The following NAALAD2 variants were observed in gnomAD, a reference collection of about 807,000 sequenced individuals.
The protein encoded by NAALAD2 is N-acetylated-alpha-linked acidic dipeptidase 2.
A neutral mutation model predicts 95.6 loss-of-function variants in NAALAD2; 89 were observed. The ratio of observed to expected loss-of-function variants is 0.93; its 90% CI spans 0.78 to 1.11. NAALAD2 has a LOEUF of 1.11. Ranked by LOEUF, NAALAD2 falls within the 50% of genes least tolerant of loss-of-function variation. NAALAD2 has a pLI of 0.00. For missense variants in NAALAD2, 894 were observed against 872.4 expected, an observed-to-expected ratio of 1.02 and a Z score of -0.31; for synonymous variants, 264 against 294.4, an observed-to-expected ratio of 0.90 and a Z score of 1.06.
At chr11:90,179,235 T>C (rs1331970888) in intron 16 of NAALAD2, among the ~76,000 whole-genome samples, 2 of 152,180 alleles carry the variant, frequency 1.3e-5, no homozygotes, top group Non-Finnish European at 2.9e-5. Context: ...CTATTTTTAG[T>C]ATATACCCAA....
At chr11:90,173,988 G>C in intron 14 of NAALAD2, 73 bp downstream of exon 14, 1 of 1,019,684 alleles carries the variant, frequency 9.8e-7, no homozygotes, top group Non-Finnish European at 1.5e-6. Flanking sequence ...GTTTCTCCAA[G>C]CATGAAATTC....
chr11:90,163,771 T>C, intron 11 of NAALAD2, 154 bp downstream of exon 11: 1 of 778,852 alleles, frequency 1.3e-6, no homozygotes, highest in Non-Finnish European at 2.1e-6. Context: ...TTATTTTTAC[T>C]TTCACATCAG....
intron 15 of NAALAD2, among the ~76,000 whole-genome samples, chr11:90,177,583 C>CTT (rs1565543926): frequency 5.1e-5 from 1 of 19,426 alleles, no homozygotes; most frequent in East Asian, 1.3e-3. Context: ...TTTTCTTTTT[C>CTT]TTGTTTTTTT....
chr11:90,166,573 C>T (rs1245114858), intron 11 of NAALAD2, among the ~76,000 whole-genome samples: 5 of 152,144 alleles, frequency 3.3e-5, no homozygotes, highest in African/African-American at 4.8e-5. Flanking sequence ...CGGTGGCTCA[C>T]GCCTGTTATC....
intron 6 of NAALAD2, among the ~76,000 whole-genome samples, chr11:90,155,313 T>A (rs1268158234): frequency 7.5e-5 from 9 of 119,650 alleles, no homozygotes; most frequent in Non-Finnish European, 1.4e-4. Context: ...ATGTATATAT[T>A]ATATATAATA....
chr11:90,178,670 CA>C (rs71472288), intron 16 of NAALAD2, among the ~76,000 whole-genome samples: 20,251 of 113,722 alleles, frequency 0.18, 1,891 homozygotes, highest in Admixed American at 0.36. Context: ...GGCTCCTTCT[CA>C]AAAAAAAAAA....
chr11:90,161,449 T>A (rs953401370), intron 8 of NAALAD2, among the ~76,000 whole-genome samples: 4 of 152,188 alleles, frequency 2.6e-5, no homozygotes, highest in African/African-American at 9.6e-5. Flanking sequence ...CATGAATATT[T>A]ATTGAGCATT....
chr11:90,188,011 G>GA (rs1857211912), intron 18 of NAALAD2, among the ~76,000 whole-genome samples: 1 of 152,156 alleles, frequency 6.6e-6, no homozygotes, highest in African/African-American at 2.4e-5. Flanking sequence ...GTTACAGACA[G>GA]AAAAAGGAAA....
In NAALAD2 at chr11:90,191,755, C is replaced by A. The variant is rs776556956; in HGVS notation, c.*8C>A. On this transcript the variant is annotated 3_prime_UTR_variant, in exon 19 of 19. Coordinates refer to ENST00000534061, the MANE Select transcript of NAALAD2 (RefSeq NM_005467.4). Reference sequence around the variant, plus strand: ...CTGAAAGAAGTATTATAGAAGGTCTCAAGTGGCTAGCCATTAAAGGTGTTG... The same window carrying A: ...CTGAAAGAAGTATTATAGAAGGTCTAAAGTGGCTAGCCATTAAAGGTGTTG... The A allele has an allele frequency of 3.9e-6, 6 of 1,529,976 alleles. No homozygotes were observed. The Admixed American group carries it at 1.0e-4, about 26-fold the overall frequency. 94.8% of individuals were successfully genotyped at this position (1,529,976 alleles called of 1,614,324 possible). A position where few individuals can be genotyped will look rare whatever the true frequency, so the allele number is the denominator to read the frequency against.
At chr11:90,138,332 A>G (rs1465502792) in intron 2 of NAALAD2, among the ~76,000 whole-genome samples, 1 of 152,144 alleles carries the variant, frequency 6.6e-6, no homozygotes, top group African/African-American at 2.4e-5. Flanking sequence ...TGGCAGAGGC[A>G]GAGAAGGTAG....
intron 16 of NAALAD2, among the ~76,000 whole-genome samples, chr11:90,180,388 CTAAAA>C (rs1316272935): frequency 2.6e-5 from 4 of 152,046 alleles, no homozygotes; most frequent in Non-Finnish European, 5.9e-5. Context: ...AAATCTAGGA[CTAAAA>C]GACTAGGACT....
rs1857345077 is a variant in NAALAD2, at chr11:90,192,067, A to T, written c.*320A>T. 6.0e-6 allele frequency: 1 copy of T among 166,006 alleles called. No individual in the cohort carries two copies. The highest frequency in any genetic ancestry group is 2.4e-5 in the African/African-American group (1 of 42,136). The allele number at this position is 166,006 out of a possible 1,614,324, so 10.3% of individuals were successfully genotyped here. A position where few individuals can be genotyped will look rare whatever the true frequency, so the allele number is the denominator to read the frequency against. ...TGTAAAATGGTAAAATCACTTTTGAAAACAGTTTGGCAGTTTCCTATAAAG... is the reference window on the plus strand; with the variant it reads ...TGTAAAATGGTAAAATCACTTTTGATAACAGTTTGGCAGTTTCCTATAAAG... On this transcript the variant is annotated 3_prime_UTR_variant, in exon 19 of 19. Coordinates refer to ENST00000534061, the MANE Select transcript of NAALAD2 (RefSeq NM_005467.4).
At chr11:90,165,993 G>A (rs975720268) in intron 11 of NAALAD2, among the ~76,000 whole-genome samples, 4 of 152,180 alleles carry the variant, frequency 2.6e-5, no homozygotes, top group East Asian at 1.9e-4. Flanking sequence ...ATATTCAGTA[G>A]CATGCTTACC....
intron 18 of NAALAD2, among the ~76,000 whole-genome samples, chr11:90,190,992 T>C (rs188514578): frequency 1.4e-4 from 22 of 152,252 alleles, no homozygotes; most frequent in Middle Eastern, 3.4e-3. Flanking sequence ...TATAAAACTT[T>C]CTTTTTAGAT....
intron 18 of NAALAD2, among the ~76,000 whole-genome samples, chr11:90,188,393 G>A (rs536138190): frequency 7.9e-5 from 12 of 152,188 alleles, no homozygotes; most frequent in East Asian, 3.9e-4. Context: ...AATAAAAAAC[G>A]TGTCTTAGTC....
chr11:90,142,432 T>A (rs1377402600), intron 2 of NAALAD2, among the ~76,000 whole-genome samples: 1 of 152,144 alleles, frequency 6.6e-6, no homozygotes, highest in African/African-American at 2.4e-5. Context: ...TAATAATCTT[T>A]TTAAGTCTAT....
chr11:90,182,778 T>C, intron 17 of NAALAD2, 138 bp from the exon 18 acceptor site: 1 of 584,672 alleles, frequency 1.7e-6, no homozygotes, highest in Non-Finnish European at 3.0e-6. Flanking sequence ...TGTAAAGCAT[T>C]ACTGTGTTAA....
At chr11:90,172,064 A>G (rs1952657325) in intron 13 of NAALAD2, among the ~76,000 whole-genome samples, 1 of 152,192 alleles carries the variant, frequency 6.6e-6, no homozygotes, top group Admixed American at 6.5e-5. Flanking sequence ...TCTGATTGGC[A>G]CTATTATGGA....
At chr11:90,165,419 C>T (rs186460474) in intron 11 of NAALAD2, among the ~76,000 whole-genome samples, 94 of 152,272 alleles carry the variant, frequency 6.2e-4, no homozygotes, top group African/African-American at 2.2e-3. Context: ...TGCTAGTTAT[C>T]ATTTATAAGT....
Sources: gnomAD v4.1 joint callset for allele counts (sites outside exome capture counted in the v4.1 genomes callset) on GRCh38, gnomAD v4.1.1 for gene constraint, MANE v1.5 for transcripts, NCBI Gene and HGNC (gene_info 2026-07-23, HGNC 2026-07-21) for gene names.